Variants in NALCN observed in about 807,000 individuals in gnomAD.
NALCN encodes the protein sodium leak channel NALCN.
Under a neutral mutation model 225.3 loss-of-function variants are expected in NALCN, and 111 were observed. The ratio of observed to expected loss-of-function variants is 0.49; its 90% CI spans 0.42 to 0.58. The LOEUF is 0.58. Among genes scored for constraint, NALCN ranks in the 20% least tolerant of loss-of-function variants. The pLI is 0.00. For synonymous variants in NALCN, 764 were observed against 769.0 expected, an observed-to-expected ratio of 0.99 and a Z score of 0.11; for missense variants, 1,378 against 2,202.4, an observed-to-expected ratio of 0.63 and a Z score of 7.49.
At chr13:101,181,176 G>A (rs759129942) in intron 14 of NALCN, 2 of 518,856 alleles carry the variant, frequency 3.9e-6, no homozygotes, top group East Asian at 5.5e-5. Context: ...GACTGATTTT[G>A]GAAAAGAGCT....
chr13:101,279,680 A>G (rs539878571), intron 10 of NALCN, among the ~76,000 whole-genome samples: 172 of 148,138 alleles, frequency 1.2e-3, no homozygotes, highest in Middle Eastern at 3.4e-3. Context: ...AGCCGGGCGT[A>G]GTGGCGGGCG....
intron 3 of NALCN, among the ~76,000 whole-genome samples, chr13:101,384,515 T>C (rs1336246338): frequency 6.6e-6 from 1 of 152,202 alleles, no homozygotes; most frequent in Non-Finnish European, 1.5e-5. Flanking sequence ...TGGTACAGTT[T>C]CATGAGAACA....
At chr13:101,375,627 T>C (rs1167933025) in intron 6 of NALCN, among the ~76,000 whole-genome samples, 2 of 152,236 alleles carry the variant, frequency 1.3e-5, no homozygotes, top group African/African-American at 4.8e-5. Context: ...TAATCTCTTT[T>C]TGAATTTTAC....
chr13:101,143,366 T>A, intron 16 of NALCN, 145 bp from the exon 17 acceptor site: 1 of 737,956 alleles, frequency 1.4e-6, no homozygotes, highest in South Asian at 3.4e-5. Flanking sequence ...AATATTTCAT[T>A]AGCAACAGCT....
chr13:101,143,342 T>A, intron 16 of NALCN, 121 bp from the exon 17 acceptor site: 1 of 990,780 alleles, frequency 1.0e-6, no homozygotes, highest in Non-Finnish European at 1.4e-6. Flanking sequence ...CATAGAAAAC[T>A]AGATCATGAC....
intron 14 of NALCN, among the ~76,000 whole-genome samples, chr13:101,187,780 A>G (rs2039510225): frequency 6.6e-6 from 1 of 152,188 alleles, no homozygotes; most frequent in Admixed American, 6.5e-5. Flanking sequence ...TGCACTTGGG[A>G]GGGTAAATTA....
chr13:101,291,218 A>G (rs1388674356), intron 9 of NALCN, among the ~76,000 whole-genome samples: 2 of 152,202 alleles, frequency 1.3e-5, no homozygotes, highest in Admixed American at 1.3e-4. Context: ...GATCTTTTTC[A>G]TAGTTTATTG....
At position 101,403,705 on chromosome 13, in the gene NALCN, C is replaced by T. The variant is rs74120032; in HGVS notation, c.-39-4540G>A. On this transcript the variant is annotated intron_variant, in intron 1 of 43. Coordinates refer to ENST00000251127, the MANE Select transcript of NALCN (RefSeq NM_052867.4). ...TACATCAATACCAACAACCACTCTTCTGATAACTTTTGTGCATAAACTGTG... is the reference window on the plus strand; with the variant it reads ...TACATCAATACCAACAACCACTCTTTTGATAACTTTTGTGCATAAACTGTG... Among the ~76,000 whole-genome samples, 976 of 152,278 alleles carry T rather than the reference C, an allele frequency of 6.4e-3. 10 individuals are homozygous for T. The highest frequency in any genetic ancestry group is 0.022 in the African/African-American group (932 of 41,566).
At chr13:101,358,817 G>A (rs1329469207) in intron 6 of NALCN, among the ~76,000 whole-genome samples, 2 of 152,114 alleles carry the variant, frequency 1.3e-5, no homozygotes, top group Admixed American at 6.5e-5. Context: ...AGGATAGACT[G>A]GACTAAGAAA....
chr13:101,162,078 A>AG (rs1175593252), intron 15 of NALCN, among the ~76,000 whole-genome samples: 1 of 152,090 alleles, frequency 6.6e-6, no homozygotes, highest in Non-Finnish European at 1.5e-5. Context: ...GAAGTCCACA[A>AG]GGCTCATCTT....
At chr13:101,310,351 T>C (rs2095269) in intron 7 of NALCN, among the ~76,000 whole-genome samples, 10,297 of 152,160 alleles carry the variant, frequency 0.068, 628 homozygotes, top group East Asian at 0.27. Context: ...ATAGCTTCAT[T>C]CAAGACCTGT....
intron 22 of NALCN, among the ~76,000 whole-genome samples, 186 bp downstream of exon 22, chr13:101,107,295 AAATGTT>A (rs1378691069): frequency 2.0e-5 from 3 of 152,220 alleles, no homozygotes; most frequent in Non-Finnish European, 1.5e-5. Context: ...AGTTTTCTAT[AAATGTT>A]AACTACTTGC....
At chr13:101,339,380 C>T (rs574721886) in intron 7 of NALCN, among the ~76,000 whole-genome samples, 1 of 152,232 alleles carries the variant, frequency 6.6e-6, no homozygotes, top group Non-Finnish European at 1.5e-5. Flanking sequence ...TGTGTGATAT[C>T]TTGAGTGCAC....
At chr13:101,412,511 G>T (rs1046410646) in intron 1 of NALCN, among the ~76,000 whole-genome samples, 1 of 152,104 alleles carries the variant, frequency 6.6e-6, no homozygotes, top group Admixed American at 6.6e-5. Flanking sequence ...AACATATTCC[G>T]GTATGGCTGC....
At chr13:101,384,305 C>T (rs867498641) in intron 3 of NALCN, among the ~76,000 whole-genome samples, 14 of 152,106 alleles carry the variant, frequency 9.2e-5, no homozygotes, top group African/African-American at 2.9e-4. Context: ...TTGAGCTATG[C>T]GCAAAAATCA....
At chr13:101,302,849 C>CTGAAAACATGT (rs1333131829) in intron 7 of NALCN, among the ~76,000 whole-genome samples, 2 of 146,010 alleles carry the variant, frequency 1.4e-5, no homozygotes, top group African/African-American at 4.9e-5. Flanking sequence ...CTTCCAAAGC[C>CTGAAAACATGT]TGAAAACATG....
intron 17 of NALCN, among the ~76,000 whole-genome samples, chr13:101,136,132 C>T (rs2036773348): frequency 6.6e-6 from 1 of 152,136 alleles, no homozygotes; most frequent in Non-Finnish European, 1.5e-5. Flanking sequence ...TGTTTGTTTA[C>T]TCAGGGCCCA....
Position 101,396,708 on chromosome 13 carries a change from C to T in NALCN, c.109-1343G>A, listed in dbSNP as rs141067200. On this transcript the variant is annotated intron_variant, in intron 2 of 43. Coordinates refer to ENST00000251127, the MANE Select transcript of NALCN (RefSeq NM_052867.4). ...CATTGGTGTGTGAATTTAGCCCCAT[C>T]TGGACTTTCAACATAAAGAATCTAA... Among the ~76,000 whole-genome samples, 480 of 152,196 alleles carry T rather than the reference C, an allele frequency of 3.2e-3. 1 individual carries two copies. Among genetic ancestry groups the T allele is most frequent in the African/African-American group, 0.011 (462 of 41,538 alleles).
chr13:101,139,571 C>A (rs1199496274), intron 17 of NALCN, among the ~76,000 whole-genome samples: 2 of 151,418 alleles, frequency 1.3e-5, no homozygotes, highest in Non-Finnish European at 2.9e-5. Flanking sequence ...GGAAACACAG[C>A]CTCAATTTGC....
Sources: gnomAD v4.1 joint callset for allele counts (sites outside exome capture counted in the v4.1 genomes callset) on GRCh38, gnomAD v4.1.1 for gene constraint, MANE v1.5 for transcripts, NCBI Gene and HGNC (gene_info 2026-07-23, HGNC 2026-07-21) for gene names.